The following AGR3 variants were observed in gnomAD, a reference collection of about 807,000 sequenced individuals.
AGR3 encodes anterior gradient 3, protein disulphide isomerase family member, also known as anterior gradient protein 3.
A neutral mutation model predicts 24.5 loss-of-function variants in AGR3; 37 were observed. That is an observed-to-expected ratio of 1.51 (90% confidence interval 1.16 to 1.99). The LOEUF is 1.99. Among genes scored for constraint, AGR3 ranks in the 30% most tolerant of loss-of-function variants. The pLI is 0.00. For missense variants in AGR3, 228 were observed against 191.1 expected, an observed-to-expected ratio of 1.19 and a Z score of -1.14; for synonymous variants, 75 against 61.6, an observed-to-expected ratio of 1.22 and a Z score of -1.02.
At chr7:16,864,764 C>T (rs1236819783) in intron 3 of AGR3, 15 of 1,170,658 alleles carry the variant, frequency 1.3e-5, no homozygotes, top group Non-Finnish European at 1.8e-5. Flanking sequence ...GATCCTTCTC[C>T]TTGGCAATGA....
At chr7:16,865,783 C>G (rs1004290275) in intron 3 of AGR3, 1 of 749,956 alleles carries the variant, frequency 1.3e-6, no homozygotes, top group Non-Finnish European at 2.5e-6. Flanking sequence ...GAAACATTTC[C>G]TTGAAATCAT....
At chr7:16,875,040 T>C (rs1369978734) in intron 2 of AGR3, among the ~76,000 whole-genome samples, 3 of 149,104 alleles carry the variant, frequency 2.0e-5, no homozygotes, top group African/African-American at 7.5e-5. Context: ...CGCTTGAACC[T>C]GGGGGTGGAT....
At chr7:16,859,231 C>CA (rs35424582), downstream of AGR3, among the ~76,000 whole-genome samples, 86,999 of 148,090 alleles carry the variant, frequency 0.59, 26,183 homozygotes, top group Non-Finnish European at 0.66. Context: ...GACTGCATCT[C>CA]AAAAAAAAAA....
chr7:16,865,134 AC>A, intron 3 of AGR3: 1 of 736,520 alleles, frequency 1.4e-6, no homozygotes, highest in East Asian at 2.4e-5. Flanking sequence ...AAACAGAGAA[AC>A]GTCTTTGCCA....
downstream of AGR3, among the ~76,000 whole-genome samples, chr7:16,855,869 T>C (rs1781550570): frequency 6.6e-6 from 1 of 152,200 alleles, no homozygotes; most frequent in South Asian, 2.1e-4. Context: ...GTCTGAAAGA[T>C]CCTACCAAGA....
At chr7:16,864,691 C>A in intron 3 of AGR3, 1 of 1,573,200 alleles carries the variant, frequency 6.4e-7, no homozygotes, top group Non-Finnish European at 8.7e-7. Flanking sequence ...TGCTGCCAGG[C>A]AATTTTCCCC....
At chr7:16,862,528 T>A in intron 4 of AGR3, 82 bp downstream of exon 4, 1 of 853,150 alleles carries the variant, frequency 1.2e-6, no homozygotes, top group South Asian at 3.0e-5. Flanking sequence ...AGCGCCTTCT[T>A]AGCTATTATT....
At chr7:16,862,473 G>C in intron 4 of AGR3, 137 bp downstream of exon 4, 1 of 471,242 alleles carries the variant, frequency 2.1e-6, no homozygotes, top group Non-Finnish European at 3.6e-6. Context: ...TTAGTAAAAT[G>C]ATGGTACTCT....
At chr7:16,872,886 C>A (rs1781911412) in intron 3 of AGR3, among the ~76,000 whole-genome samples, 1 of 152,074 alleles carries the variant, frequency 6.6e-6, no homozygotes, top group Non-Finnish European at 1.5e-5. Context: ...AAAGGCAGAT[C>A]AAAACCACAA....
Position 16,861,373 on chromosome 7 carries a change from C to T in AGR3, c.367+11G>A. 1 of 1,576,884 alleles carries T rather than the reference C, an allele frequency of 6.3e-7. No homozygotes were observed. The highest frequency in any genetic ancestry group is 8.6e-7 in the Non-Finnish European group (1 of 1,160,938). ...TTTTGTAGATCTGATGAAATGAGATCACATACATACCTACAAACATGATTC... is the reference window on the plus strand; with the variant it reads ...TTTTGTAGATCTGATGAAATGAGATTACATACATACCTACAAACATGATTC... On this transcript the variant is annotated intron_variant, in intron 6 of 7. Transcript: ENST00000310398.
At chr7:16,878,222 A>G (rs1423277325) in intron 2 of AGR3, among the ~76,000 whole-genome samples, 1 of 152,056 alleles carries the variant, frequency 6.6e-6, no homozygotes, top group Non-Finnish European at 1.5e-5. Context: ...GCAATCAATC[A>G]TTATTTTCTA....
chr7:16,865,270 CT>C (rs1781733697), intron 3 of AGR3: 3 of 989,698 alleles, frequency 3.0e-6, no homozygotes, highest in Admixed American at 4.1e-5. Flanking sequence ...TTGTTTTCTC[CT>C]TTTGAAGAAG....
intron 3 of AGR3, among the ~76,000 whole-genome samples, chr7:16,870,718 A>G (rs1022015515): frequency 2.0e-5 from 3 of 152,098 alleles, no homozygotes; most frequent in Admixed American, 2.0e-4. Flanking sequence ...CTTAATCCTA[A>G]ACCACTCTGG....
intron 3 of AGR3, among the ~76,000 whole-genome samples, chr7:16,867,441 A>G (rs62443940): frequency 0.026 from 3,946 of 152,266 alleles, 92 homozygotes; most frequent in Non-Finnish European, 0.035. Context: ...GTTTTGATAT[A>G]TGGATATGTT....
At chr7:16,860,627 T>C in intron 6 of AGR3, 44 bp from the exon 7 acceptor site, 1 of 1,359,532 alleles carries the variant, frequency 7.4e-7, no homozygotes, top group South Asian at 1.2e-5. Flanking sequence ...ATTTAGCATG[T>C]TCTTTTCTTT....
chr7:16,862,161 T>A (rs1371663439), intron 4 of AGR3, 101 bp from the exon 5 acceptor site: 3 of 904,412 alleles, frequency 3.3e-6, no homozygotes, highest in African/African-American at 1.7e-5. Context: ...TTTGCATATA[T>A]AACTCAGGTG....
At chr7:16,862,396 A>G (rs74986534) in intron 4 of AGR3, among the ~76,000 whole-genome samples, 4,837 of 152,238 alleles carry the variant, frequency 0.032, 282 homozygotes, top group African/African-American at 0.11. Flanking sequence ...AGGAATATGT[A>G]ATTCCCAAGG....
At chr7:16,880,134 C>T (rs2115320211) in intron 1 of AGR3, among the ~76,000 whole-genome samples, 1 of 129,914 alleles carries the variant, frequency 7.7e-6, no homozygotes, top group East Asian at 2.0e-4. Context: ...CTTCCTCTTT[C>T]TCTCTCTCTT....
Position 16,859,573 on chromosome 7 carries a change from C to A in AGR3, c.*9G>T. The A allele has an allele frequency of 2.6e-6, 4 of 1,536,850 alleles. No homozygotes were observed. The highest frequency in any genetic ancestry group is 3.5e-6 in the Non-Finnish European group (4 of 1,131,962). On this transcript the variant is annotated 3_prime_UTR_variant, in exon 8 of 8. Transcript: ENST00000310398. ...CTTCTTTGAAGTGAAGGCTTTTTTC[C>A]ATCATCTCTTATAGCTCTGACTGAA...
Sources: allele counts gnomAD v4.1 joint callset (sites outside exome capture counted in the v4.1 genomes callset), GRCh38; gene constraint gnomAD v4.1.1; transcripts MANE v1.5; gene names NCBI Gene and HGNC (gene_info 2026-07-23, HGNC 2026-07-21).